Variants in ZFAND6 observed in about 807,000 individuals in gnomAD.
The protein encoded by ZFAND6 is AN1-type zinc finger protein 6.
A neutral mutation model predicts 24.5 loss-of-function variants in ZFAND6; 12 were observed. That is an observed-to-expected ratio of 0.49 (90% CI 0.31 to 0.79). The LOEUF (loss-of-function observed/expected upper bound fraction) is 0.79, where lower values mean the gene tolerates loss of function less well. Among genes scored for constraint, ZFAND6 ranks in the 30% least tolerant of loss-of-function variants. The probability of loss-of-function intolerance (pLI) is 0.04; values close to 1 mark genes in which losing one functional copy is unlikely to be tolerated. For synonymous variants in ZFAND6, 92 were observed against 81.5 expected (o/e 1.13, Z -0.69); for missense variants, 207 against 245.9 (o/e 0.84, Z 1.06).
At chr15:80,102,088 G>A (rs772131105) in intron 2 of ZFAND6, among the ~76,000 whole-genome samples, 5 of 151,824 alleles carry the variant, frequency 3.3e-5, no homozygotes, top group East Asian at 1.9e-4. Flanking sequence ...GAGCCACCAC[G>A]CCCGGCCATA....
At chr15:80,121,231 A>G (rs1176531068) in intron 3 of ZFAND6, among the ~76,000 whole-genome samples, 2 of 152,198 alleles carry the variant, frequency 1.3e-5, no homozygotes, top group Non-Finnish European at 2.9e-5. Flanking sequence ...GTTCAAGCCA[A>G]AACCTACAAC....
At chr15:80,104,028 T>C (rs2039177464) in intron 2 of ZFAND6, among the ~76,000 whole-genome samples, 1 of 152,124 alleles carries the variant, frequency 6.6e-6, no homozygotes. Flanking sequence ...TTCTTATTCT[T>C]TGTAGAGACG....
chr15:80,133,176 T>C (rs1233754639), intron 6 of ZFAND6, among the ~76,000 whole-genome samples: 8 of 145,116 alleles, frequency 5.5e-5, no homozygotes, highest in Non-Finnish European at 1.1e-4. Flanking sequence ...AGGATGGTGT[T>C]TTTTTTTGTT....
chr15:80,082,107 A>G (rs1047389648), intron 1 of ZFAND6, among the ~76,000 whole-genome samples: 1 of 152,104 alleles, frequency 6.6e-6, no homozygotes, highest in Non-Finnish European at 1.5e-5. Flanking sequence ...TTAATTTCTC[A>G]TTTTTCCAGT....
intron 6 of ZFAND6, among the ~76,000 whole-genome samples, chr15:80,137,216 T>C (rs1258973251): frequency 6.6e-6 from 1 of 152,252 alleles, no homozygotes; most frequent in Non-Finnish European, 1.5e-5. Context: ...ACTGTGTTTT[T>C]GTTAAGAAGT....
intron 1 of ZFAND6, among the ~76,000 whole-genome samples, chr15:80,076,140 A>G (rs2037261600): frequency 6.6e-6 from 1 of 152,102 alleles, no homozygotes; most frequent in Non-Finnish European, 1.5e-5. Context: ...CCCTTTTGAT[A>G]ATCTCCAGTC....
chr15:80,083,382 A>G (rs965886028), intron 1 of ZFAND6, among the ~76,000 whole-genome samples: 1 of 152,188 alleles, frequency 6.6e-6, no homozygotes, highest in Non-Finnish European at 1.5e-5. Context: ...TTAAGCAACT[A>G]CTGGGTGCTA....
intron 1 of ZFAND6, among the ~76,000 whole-genome samples, chr15:80,076,534 C>T (rs16971711): frequency 0.052 from 7,846 of 152,152 alleles, 231 homozygotes; most frequent in African/African-American, 0.059. Context: ...GCTTCATATT[C>T]GTTAGTGAAT....
chr15:80,101,791 GTTTT>G lies in ZFAND6; in HGVS notation c.-18+3229_-18+3232del, dbSNP rs750632508. Among the ~76,000 whole-genome samples, 1,179 of 123,082 alleles carry G rather than the reference GTTTT, an allele frequency of 9.6e-3. 17 individuals carry two copies. The highest frequency in any genetic ancestry group is 0.035 in the African/African-American group (1,118 of 32,364). 80.7% of individuals were successfully genotyped at this position (123,082 alleles called of 152,430 possible). On this transcript the variant is annotated intron_variant, in intron 2 of 6. Transcript: ENST00000261749. ...ATTTTCTCTGGGTTTTATGTAAAGT[GTTTT>G]TTTTTTTTTTTTTTTGAGACGGAGT... is the stretch of plus-strand genomic sequence containing the variant.
At chr15:80,134,357 G>T (rs1014890552) in intron 6 of ZFAND6, among the ~76,000 whole-genome samples, 1 of 152,136 alleles carries the variant, frequency 6.6e-6, no homozygotes, top group Non-Finnish European at 1.5e-5. Flanking sequence ...CACTGAAGGC[G>T]TCGAAGTGAT....
chr15:80,111,382 C>G, intron 2 of ZFAND6: 2 of 393,306 alleles, frequency 5.1e-6, no homozygotes, highest in South Asian at 3.8e-5. Flanking sequence ...TGCAGTCAAC[C>G]CTGCCAATCA....
chr15:80,122,923 C>A, intron 5 of ZFAND6, 123 bp downstream of exon 5: 1 of 591,100 alleles, frequency 1.7e-6, no homozygotes, highest in Non-Finnish European at 2.9e-6. Context: ...CCTATGAACA[C>A]AATACTTTAT....
At chr15:80,114,376 A>G (rs562121109) in intron 2 of ZFAND6, among the ~76,000 whole-genome samples, 1 of 152,298 alleles carries the variant, frequency 6.6e-6, no homozygotes, top group South Asian at 2.1e-4. Flanking sequence ...TGCTCGGGTT[A>G]AATTATGTGA....
At chr15:80,083,863 A>G (rs2037832748) in intron 1 of ZFAND6, among the ~76,000 whole-genome samples, 1 of 152,194 alleles carries the variant, frequency 6.6e-6, no homozygotes, top group Admixed American at 6.5e-5. Flanking sequence ...TTCCTTCTCA[A>G]AAGCATGGAA....
chr15:80,094,445 C>T (rs1335879243), intron 1 of ZFAND6, among the ~76,000 whole-genome samples: 1 of 152,296 alleles, frequency 6.6e-6, no homozygotes, highest in South Asian at 2.1e-4. Context: ...GGAACAGTTT[C>T]ACCCTGAAAT....
chr15:80,073,457 TG>T (rs2037090963), intron 1 of ZFAND6: 1 of 179,990 alleles, frequency 5.6e-6, no homozygotes, highest in East Asian at 1.6e-4. Context: ...TGTTGCTCTT[TG>T]TTCTCATAGA....
intron 2 of ZFAND6, among the ~76,000 whole-genome samples, chr15:80,108,239 T>C (rs1448154060): frequency 6.6e-6 from 1 of 152,154 alleles, no homozygotes; most frequent in Non-Finnish European, 1.5e-5. Context: ...TATATTAAAC[T>C]TTAAAATTAG....
rs16971739 is a variant in ZFAND6 at position 80,103,531 on chromosome 15, C to T, written c.-18+4953C>T. ...AGTGTTCATGGTATAGTATATCAGC[C>T]CGACCTCAGATTGGCTTACTGTTGA... On this transcript the variant is annotated intron_variant, in intron 2 of 6. Transcript: ENST00000261749. Among the ~76,000 whole-genome samples, 3,098 of 152,236 alleles carry T rather than the reference C, an allele frequency of 0.02. 226 individuals are homozygous for T. The East Asian group carries it at 0.22, about 11-fold the overall frequency.
At chr15:80,075,758 A>G (rs1429175531) in intron 1 of ZFAND6, among the ~76,000 whole-genome samples, 1 of 152,096 alleles carries the variant, frequency 6.6e-6, no homozygotes, top group Admixed American at 6.5e-5. Context: ...GTGTCTATGA[A>G]CTTGTTTGAC....
Sources: allele counts gnomAD v4.1 joint callset (sites outside exome capture counted in the v4.1 genomes callset), GRCh38; gene constraint gnomAD v4.1.1; transcripts MANE v1.5; gene names NCBI Gene and HGNC (gene_info 2026-07-23, HGNC 2026-07-21).